SDK1: variants seen among roughly 807,000 people sequenced by gnomAD.
SDK1 encodes the protein protein sidekick-1.
In SDK1, 157 loss-of-function variants were observed where a neutral mutation model predicts 245.5. The observed-to-expected ratio is 0.64, with a 90% CI of 0.56 to 0.73. The LOEUF is 0.73. Among genes scored for constraint, SDK1 ranks in the 30% least tolerant of loss-of-function variants. SDK1 has a pLI of 0.00. For missense variants in SDK1, 3,583 were observed against 3,002.3 expected, an observed-to-expected ratio of 1.19 and a Z score of -4.52; for synonymous variants, 1,647 against 1,278.5, an observed-to-expected ratio of 1.29 and a Z score of -6.15.
chr7:3,447,494 C>T (rs372918679), intron 1 of SDK1, among the ~76,000 whole-genome samples: 36 of 152,146 alleles, frequency 2.4e-4, no homozygotes, highest in East Asian at 7.7e-4. Context: ...TTGGACCATT[C>T]GCTAAGTTGC....
chr7:3,679,610 A>C (rs974997870), intron 4 of SDK1, among the ~76,000 whole-genome samples: 3 of 152,206 alleles, frequency 2.0e-5, no homozygotes, highest in East Asian at 1.9e-4. Context: ...TAGACATTTC[A>C]TGGAAGAGGA....
chr7:3,593,380 A>G (rs897606275), intron 1 of SDK1, among the ~76,000 whole-genome samples: 6 of 152,166 alleles, frequency 3.9e-5, no homozygotes, highest in Non-Finnish European at 8.8e-5. Flanking sequence ...TGTGATGCAC[A>G]TGAGCTTCAC....
chr7:3,446,072 A>G (rs768069077), intron 1 of SDK1, among the ~76,000 whole-genome samples: 8 of 151,832 alleles, frequency 5.3e-5, no homozygotes, highest in Admixed American at 2.6e-4. Flanking sequence ...AAAATGTTCT[A>G]TTGCTCCCTT....
At chr7:3,886,685 C>A (rs1449351249) in intron 5 of SDK1, among the ~76,000 whole-genome samples, 1 of 152,138 alleles carries the variant, frequency 6.6e-6, no homozygotes, top group East Asian at 1.9e-4. Context: ...GAGGCTGGGG[C>A]AAGAGGATTA....
Position 4,113,364 on chromosome 7 carries a change from G to T in SDK1, c.3510G>T (p.Gln1170His). Residue 1170 changes from glutamine to histidine, a missense_variant, in exon 24 of 45, where the codon CAG (glutamine) becomes CAT (histidine). Physicochemically the swap from Gln to His is conservative, Grantham distance 24 (BLOSUM62 0). Coordinates refer to ENST00000404826, the MANE Select transcript of SDK1 (RefSeq NM_152744.4). ...SPSSRVIQTL[Q>H]APPDVAPTSV... The stretch of plus-strand genomic sequence containing the variant: ...CTTCCCGGGTCATCCAGACCCTGCA[G>T]GCCCCACCCGACGTGGCTCCAACCA... The T allele has an allele frequency of 6.2e-7, 1 of 1,613,920 alleles. No homozygotes were observed. Among genetic ancestry groups the T allele is most frequent in the Non-Finnish European group, 8.5e-7 (1 of 1,180,030 alleles).
chr7:3,335,155 C>A (rs576457248), intron 1 of SDK1, among the ~76,000 whole-genome samples: 1 of 152,238 alleles, frequency 6.6e-6, no homozygotes, highest in East Asian at 1.9e-4. Context: ...CTTCTGTATC[C>A]AGTTGCCAGA....
chr7:3,465,857 T>C (rs1413245106), intron 1 of SDK1, among the ~76,000 whole-genome samples: 1 of 152,164 alleles, frequency 6.6e-6, no homozygotes, highest in African/African-American at 2.4e-5. Context: ...CAAGCAGCCA[T>C]AGGGACGTGC....
At chr7:3,936,773 G>A (rs1336405754) in intron 5 of SDK1, among the ~76,000 whole-genome samples, 1 of 152,218 alleles carries the variant, frequency 6.6e-6, no homozygotes, top group Non-Finnish European at 1.5e-5. Flanking sequence ...CTTTAATCAA[G>A]GGTACTGGGA....
chr7:4,245,898 GTCTCATAACA>G lies in SDK1; in HGVS notation c.6381+96_6381+105del. On this transcript the variant is annotated intron_variant, in intron 44 of 44. Coordinates refer to ENST00000404826, the MANE Select transcript of SDK1 (RefSeq NM_152744.4). ...CCTCAGGCTGTCTTGTCCTATTTGA[GTCTCATAACA>G]TCCCCACAGGCAGAGCCAAGGACAA... 3.4e-6 allele frequency: 5 copies of G among 1,466,104 alleles called. No homozygotes were observed. In the South Asian group the frequency reaches 6.0e-5, roughly 18 times the overall value. The allele number at this position is 1,466,104 out of a possible 1,614,324, so 90.8% of individuals were successfully genotyped here. A position where few individuals can be genotyped will look rare whatever the true frequency, so the allele number is the denominator to read the frequency against.
intron 36 of SDK1, 144 bp downstream of exon 36, chr7:4,206,138 C>CCTGG (rs1257458439): frequency 1.6e-6 from 1 of 610,656 alleles, no homozygotes; most frequent in African/African-American, 1.9e-5. Flanking sequence ...CTTGGCTAGA[C>CCTGG]CTGGCCTGTT....
At chr7:3,623,750 A>C (rs1782022629) in intron 2 of SDK1, among the ~76,000 whole-genome samples, 1 of 152,152 alleles carries the variant, frequency 6.6e-6, no homozygotes, top group African/African-American at 2.4e-5. Flanking sequence ...ATATACATAC[A>C]CCTAAGCCGA....
intron 4 of SDK1, among the ~76,000 whole-genome samples, chr7:3,766,032 T>C (rs1780241855): frequency 6.6e-6 from 1 of 152,216 alleles, no homozygotes; most frequent in South Asian, 2.1e-4. Flanking sequence ...AACATGCTTT[T>C]AATAAGTGTA....
intron 4 of SDK1, among the ~76,000 whole-genome samples, chr7:3,696,169 C>G (rs1280213577): frequency 6.6e-6 from 1 of 152,094 alleles, no homozygotes; most frequent in Non-Finnish European, 1.5e-5. Flanking sequence ...AGATGATGTC[C>G]TGCCAACTTA....
At chr7:4,045,578 C>T (rs989037948) in intron 17 of SDK1, among the ~76,000 whole-genome samples, 1 of 152,140 alleles carries the variant, frequency 6.6e-6, no homozygotes, top group Non-Finnish European at 1.5e-5. Context: ...TTTTACATGT[C>T]TTGTGCACAG....
chr7:3,630,087 A>G (rs939405567), intron 2 of SDK1, among the ~76,000 whole-genome samples: 6 of 152,214 alleles, frequency 3.9e-5, no homozygotes, highest in Admixed American at 3.9e-4. Context: ...AATAAAAGGC[A>G]GATAGAAAAA....
chr7:3,461,243 A>G (rs1780822545), intron 1 of SDK1, among the ~76,000 whole-genome samples: 1 of 152,124 alleles, frequency 6.6e-6, no homozygotes. Context: ...GTTTCTCTTG[A>G]TTCCTGTCCA....
intron 1 of SDK1, among the ~76,000 whole-genome samples, chr7:3,372,319 G>T (rs1023179521): frequency 1.3e-5 from 2 of 152,192 alleles, no homozygotes; most frequent in Non-Finnish European, 2.9e-5. Context: ...AACTGATCAG[G>T]AAGTTGGGTC....
intron 4 of SDK1, among the ~76,000 whole-genome samples, chr7:3,804,179 C>T (rs930418626): frequency 6.6e-6 from 1 of 152,186 alleles, no homozygotes; most frequent in African/African-American, 2.4e-5. Flanking sequence ...TCTAAGAACT[C>T]TGCAATTTCT....
intron 1 of SDK1, among the ~76,000 whole-genome samples, chr7:3,413,272 A>G (rs911001317): frequency 1.3e-5 from 2 of 152,208 alleles, no homozygotes; most frequent in Admixed American, 1.3e-4. Context: ...AGGGACTATC[A>G]TGAGCAGAGG....
Sources: allele counts gnomAD v4.1 joint callset (sites outside exome capture counted in the v4.1 genomes callset), GRCh38; gene constraint gnomAD v4.1.1; transcripts MANE v1.5; gene names NCBI Gene and HGNC (gene_info 2026-07-23, HGNC 2026-07-21).